Variants in MYH11 observed in about 807,000 individuals in gnomAD.
MYH11 encodes the protein myosin heavy chain 11.
MYH11 carries 80 observed loss-of-function variants against 246.6 expected under a neutral mutation model. The ratio of observed to expected loss-of-function variants is 0.32; its 90% CI spans 0.27 to 0.39. MYH11 has a LOEUF of 0.39. Ranked by LOEUF, MYH11 falls within the 10% of genes least tolerant of loss-of-function variation. MYH11 has a pLI of 1.00. For synonymous variants in MYH11, 1,071 were observed against 1,015.5 expected, an observed-to-expected ratio of 1.05 and a Z score of -1.04; for missense variants, 2,158 against 2,546.8, an observed-to-expected ratio of 0.85 and a Z score of 3.29.
At chr16:15,726,556 A>C (rs1369961243) in intron 28 of MYH11, 3 of 492,448 alleles carry the variant, frequency 6.1e-6, no homozygotes, top group South Asian at 2.1e-5. Flanking sequence ...TTTTTAGTAG[A>C]GACTTTTCAC....
intron 1 of MYH11, among the ~76,000 whole-genome samples, chr16:15,854,560 C>T (rs9933232): frequency 7.9e-5 from 12 of 151,970 alleles, no homozygotes; most frequent in Admixed American, 6.6e-4. Flanking sequence ...GTCCACAAAG[C>T]GTTTAGCATC....
At chr16:15,728,307 A>T (rs891187884) in intron 27 of MYH11, among the ~76,000 whole-genome samples, 1 of 152,228 alleles carries the variant, frequency 6.6e-6, no homozygotes, top group Non-Finnish European at 1.5e-5. Flanking sequence ...GTTAAAATTA[A>T]TGGAGCAGTA....
intron 26 of MYH11, 147 bp downstream of exon 26, chr16:15,735,219 A>G (rs2041080372): frequency 1.2e-6 from 1 of 818,208 alleles, no homozygotes. Flanking sequence ...ACAGCCAACC[A>G]TGCTTCTATA....
chr16:15,839,353 G>A (rs1454454767), intron 1 of MYH11, among the ~76,000 whole-genome samples: 5 of 152,094 alleles, frequency 3.3e-5, no homozygotes, highest in Admixed American at 1.3e-4. Flanking sequence ...CCTTCAATAC[G>A]AAAAACTATT....
At chr16:15,766,070 C>T (rs2041973749) in intron 9 of MYH11, among the ~76,000 whole-genome samples, 1 of 152,056 alleles carries the variant, frequency 6.6e-6, no homozygotes. Flanking sequence ...GTGGTGGTTA[C>T]CCTGACAGAG....
chr16:15,817,862 G>C lies in MYH11; in HGVS notation c.502+5393C>G, dbSNP rs184269177. ...ATCCCTGCCCCCTTCTCTCACCTTA[G>C]CAAACCATTCTTCGAGGCTTATAAA... On this transcript the variant is annotated intron_variant, in intron 3 of 40. Coordinates refer to ENST00000300036, the MANE Select transcript of MYH11 (RefSeq NM_002474.3). Among the ~76,000 whole-genome samples, 28 of 152,182 alleles carry C rather than the reference G, an allele frequency of 1.8e-4. No individual in the cohort carries two copies. The East Asian group carries it at 5.0e-3, about 27-fold the overall frequency.
chr16:15,765,412 G>A (rs1274085764), intron 9 of MYH11, among the ~76,000 whole-genome samples: 1 of 151,764 alleles, frequency 6.6e-6, no homozygotes, highest in African/African-American at 2.4e-5. Context: ...AATTGATGGA[G>A]GAATGGATAC....
At chr16:15,705,577 C>T (rs1034954411) in intron 40 of MYH11, among the ~76,000 whole-genome samples, 6 of 152,186 alleles carry the variant, frequency 3.9e-5, no homozygotes, top group African/African-American at 1.4e-4. Context: ...AATCGGAAGA[C>T]AGGTCTTATT....
chr16:15,745,335 G>A (rs1175949955), intron 19 of MYH11, 98 bp from the exon 20 acceptor site: 2 of 802,272 alleles, frequency 2.5e-6, no homozygotes, highest in Admixed American at 4.3e-5. Context: ...ACAGGGACAT[G>A]CCCCAATCTC....
rs772957793 is a variant in MYH11, at chr16:15,724,900, G to C, written c.3951C>G (p.Leu1317=). The part of the protein sequence containing the change: ...AKDVASLSSQ[L]QDTQELLQEE... ...GCAGGACACTCACCTGGGTGTCCTG[G>C]AGCTGGGAACTGAGGGACGCCACGT... Residue 1317 remains leucine (L), a synonymous_variant, in exon 29 of 41, where the codon CTC becomes CTG. Coordinates refer to ENST00000300036, the MANE Select transcript of MYH11 (RefSeq NM_002474.3). 1.9e-6 allele frequency: 3 copies of C among 1,614,112 alleles called. No homozygotes were observed. The highest frequency in any genetic ancestry group is 8.5e-7 in the Non-Finnish European group (1 of 1,180,028).
intron 3 of MYH11, among the ~76,000 whole-genome samples, chr16:15,817,550 A>G (rs1434202323): frequency 6.6e-6 from 1 of 152,178 alleles, no homozygotes; most frequent in African/African-American, 2.4e-5. Context: ...TAAACATGAC[A>G]TAATTTATGC....
intron 10 of MYH11, 55 bp downstream of exon 10, chr16:15,763,741 T>TGCC: frequency 1.5e-6 from 1 of 646,862 alleles, no homozygotes; most frequent in Non-Finnish European, 2.9e-6. Flanking sequence ...AAATGTCACC[T>TGCC]CCCCCACCCC....
At chr16:15,715,298 G>C in intron 38 of MYH11, 26 bp from the exon 39 acceptor site, 2 of 1,612,600 alleles carry the variant, frequency 1.2e-6, no homozygotes, top group Non-Finnish European at 1.7e-6. Flanking sequence ...AAAACAGGTG[G>C]TTTCAGCGGA....
At chr16:15,794,968 A>T (rs942615291) in intron 4 of MYH11, among the ~76,000 whole-genome samples, 8 of 152,190 alleles carry the variant, frequency 5.3e-5, no homozygotes, top group African/African-American at 1.9e-4. Flanking sequence ...AAACCATTTC[A>T]CGAGGGGAAC....
At chr16:15,760,971 C>CTTTA (rs1313581134) in intron 10 of MYH11, among the ~76,000 whole-genome samples, 3 of 152,178 alleles carry the variant, frequency 2.0e-5, no homozygotes, top group Non-Finnish European at 4.4e-5. Context: ...TGGAAAAGCT[C>CTTTA]TTTACCCTCC....
intron 6 of MYH11, chr16:15,779,566 T>C (rs544911836): frequency 1.3e-5 from 2 of 156,116 alleles, no homozygotes; most frequent in African/African-American, 4.8e-5. Flanking sequence ...ATTCAGGGGC[T>C]AGAGGGCTCC....
intron 4 of MYH11, among the ~76,000 whole-genome samples, chr16:15,796,797 T>C (rs1382150846): frequency 6.6e-6 from 1 of 152,092 alleles, no homozygotes; most frequent in Non-Finnish European, 1.5e-5. Flanking sequence ...GATTTAAAGA[T>C]GGAGGAAGAG....
chr16:15,724,490 G>A lies in MYH11; in HGVS notation c.4117-81C>T, dbSNP rs565513040. On this transcript the variant is annotated intron_variant, in intron 30 of 40. Transcript: ENST00000300036. ...CCTGGCCCCACAGACTCTGAGAAGC[G>A]AAGACCATGTCTCCTCGTTGGAGAA... The A allele has an allele frequency of 7.9e-5, 127 of 1,608,562 alleles. 1 individual carries two copies. The highest frequency in any genetic ancestry group is 1.1e-4 in the South Asian group (10 of 90,814).
chr16:15,760,492 G>A (rs773906523), intron 11 of MYH11, 48 bp downstream of exon 11: 2 of 1,344,008 alleles, frequency 1.5e-6, no homozygotes, highest in East Asian at 2.3e-5. Context: ...TGGATGAATG[G>A]ATGGATGGGT....
Sources: gnomAD v4.1 joint callset for allele counts (sites outside exome capture counted in the v4.1 genomes callset) on GRCh38, gnomAD v4.1.1 for gene constraint, MANE v1.5 for transcripts, NCBI Gene and HGNC (gene_info 2026-07-23, HGNC 2026-07-21) for gene names.